The following PRC1 variants were observed in gnomAD, a reference collection of about 807,000 sequenced individuals.
PRC1 encodes the protein protein regulator of cytokinesis 1, also known as anaphase spindle elongation 1 homolog.
In PRC1, 54 loss-of-function variants were observed where a neutral mutation model predicts 91.2. The ratio of observed to expected loss-of-function variants is 0.59; its 90% CI spans 0.48 to 0.74. The LOEUF (loss-of-function observed/expected upper bound fraction) is 0.74. Ranked by LOEUF, PRC1 falls within the 30% of genes least tolerant of loss-of-function variation. The pLI is 0.00. For missense variants in PRC1, 727 were observed against 746.2 expected, an observed-to-expected ratio of 0.97 and a Z score of 0.30; for synonymous variants, 275 against 263.6, an observed-to-expected ratio of 1.04 and a Z score of -0.42.
rs1000188722 is a variant in PRC1 at position 90,966,708 on chromosome 15, T to A, written c.*423A>T. 2.2e-6 allele frequency: 1 copy of A among 453,918 alleles called. No individual in the cohort carries two copies. Among genetic ancestry groups the A allele is most frequent in the Non-Finnish European group, 4.4e-6 (1 of 225,656 alleles). 28.1% of individuals were successfully genotyped at this position (453,918 alleles called of 1,614,324 possible). Reference sequence around the variant, plus strand: ...GAGCAAAGCTATGATAGCTACAGCATTAATTGAACATGCCTAAACAAAAAA... The same window carrying A: ...GAGCAAAGCTATGATAGCTACAGCAATAATTGAACATGCCTAAACAAAAAA... On this transcript the variant is annotated 3_prime_UTR_variant, in exon 15 of 15. Coordinates refer to ENST00000394249, the MANE Select transcript of PRC1 (RefSeq NM_003981.4).
intron 1 of PRC1, among the ~76,000 whole-genome samples, chr15:90,987,139 G>C (rs2039642774): frequency 1.3e-5 from 2 of 151,734 alleles, no homozygotes; most frequent in Admixed American, 6.6e-5. Flanking sequence ...AAATTAGCCG[G>C]GCACGGTGAC....
rs2037895946 is a variant in PRC1 at position 90,969,740 on chromosome 15, A to G, written c.1573-117T>C. ...TCTTTATATTCATGTCTATAATCCT[A>G]TACTTTTTAGTTAAAAAAAAAACAT... is the stretch of plus-strand genomic sequence containing the variant. On this transcript the variant is annotated intron_variant, in intron 12 of 14. Coordinates refer to ENST00000394249, the MANE Select transcript of PRC1 (RefSeq NM_003981.4). The G allele has an allele frequency of 5.9e-6, 3 of 507,946 alleles. No individual in the cohort carries two copies. In the South Asian group the frequency reaches 2.1e-4, roughly 35 times the overall value. 31.5% of individuals were successfully genotyped at this position (507,946 alleles called of 1,614,324 possible). A position where few individuals can be genotyped will look rare whatever the true frequency, so the allele number is the denominator to read the frequency against.
At chr15:90,977,568 T>C (rs915769213) in intron 8 of PRC1, among the ~76,000 whole-genome samples, 31 of 149,798 alleles carry the variant, frequency 2.1e-4, no homozygotes, top group South Asian at 6.3e-4. Context: ...CCTTAGCTCC[T>C]TATTTACGTT....
chr15:90,973,395 A>G (rs1471938937), intron 11 of PRC1, among the ~76,000 whole-genome samples: 1 of 152,218 alleles, frequency 6.6e-6, no homozygotes, highest in African/African-American at 2.4e-5. Context: ...TGCACTGCGG[A>G]AAGCCGCAGG....
Position 90,978,753 on chromosome 15 carries a change from CAAAAAAAA to C in PRC1, c.1107+397_1107+404del, listed in dbSNP as rs869065052. On this transcript the variant is annotated intron_variant, in intron 8 of 14. Transcript: ENST00000394249. ...GGGCAACAAGAGCGAAACTCCACCT[CAAAAAAAA>C]AAAAAAAAAAAAAAAAAGTGCCATC... Among the ~76,000 whole-genome samples the C allele has an allele frequency of 4.4e-3, 173 of 39,712 alleles. 2 individuals carry two copies. The highest frequency in any genetic ancestry group is 0.013 in the Admixed American group (32 of 2,472). The allele number at this position is 39,712 out of a possible 152,430, so 26.1% of individuals were successfully genotyped here.
intron 9 of PRC1, among the ~76,000 whole-genome samples, chr15:90,975,533 T>G (rs1338928905): frequency 6.6e-6 from 1 of 151,062 alleles, no homozygotes; most frequent in Non-Finnish European, 1.5e-5. Context: ...ATGGTATTAT[T>G]ATTATCAAAG....
At chr15:90,968,725 G>A (rs1240737286) in intron 14 of PRC1, 1 of 1,129,332 alleles carries the variant, frequency 8.9e-7, no homozygotes, top group East Asian at 6.0e-5. Flanking sequence ...CCTCATTGTA[G>A]GCAGCACACA....
intron 1 of PRC1, among the ~76,000 whole-genome samples, chr15:90,986,412 TGA>T (rs1238798422): frequency 4.6e-5 from 7 of 152,156 alleles, no homozygotes; most frequent in African/African-American, 1.7e-4. Context: ...GCAGATCACT[TGA>T]GGTCAGGAGA....
chr15:90,978,521 G>A (rs2038919442), intron 8 of PRC1, among the ~76,000 whole-genome samples: 1 of 152,144 alleles, frequency 6.6e-6, no homozygotes, highest in South Asian at 2.1e-4. Context: ...GGAGGCCGAG[G>A]TGGGCAGATC....
chr15:90,979,388 C>A, intron 7 of PRC1, 94 bp from the exon 8 acceptor site: 1 of 1,376,774 alleles, frequency 7.3e-7, no homozygotes, highest in South Asian at 1.3e-5. Flanking sequence ...GAAATAGATT[C>A]TTTCCTTATA....
chr15:90,973,918 G>C, intron 11 of PRC1: 1 of 491,228 alleles, frequency 2.0e-6, no homozygotes, highest in Non-Finnish European at 3.6e-6. Flanking sequence ...GAACTCAAGA[G>C]ACCGGTGCTG....
chr15:90,971,451 A>C (rs540537540), intron 11 of PRC1, among the ~76,000 whole-genome samples: 1 of 152,152 alleles, frequency 6.6e-6, no homozygotes, highest in South Asian at 2.1e-4. Context: ...ACAACCAGCT[A>C]ATTTTTGTAT....
chr15:90,971,401 C>G (rs2038114505), intron 11 of PRC1, among the ~76,000 whole-genome samples: 1 of 152,082 alleles, frequency 6.6e-6, no homozygotes, highest in Non-Finnish European at 1.5e-5. Context: ...TCCTCCCACC[C>G]CAGCCTCCTG....
chr15:90,982,068 C>T (rs1184502055), intron 3 of PRC1, 87 bp from the exon 4 acceptor site: 2 of 1,214,444 alleles, frequency 1.6e-6, no homozygotes, highest in Admixed American at 4.0e-5. Flanking sequence ...GCGTGGATGA[C>T]AGACTTTCAG....
Position 90,984,591 on chromosome 15 carries a change from T to G in PRC1, c.144+102A>C. ...AACCAAACAGGAAGAGCCTGTGCTATCCTAATGCCGATGATCACATGTCCC... is the reference window on the plus strand; with the variant it reads ...AACCAAACAGGAAGAGCCTGTGCTAGCCTAATGCCGATGATCACATGTCCC... On this transcript the variant is annotated intron_variant, in intron 2 of 14. Coordinates refer to ENST00000394249, the MANE Select transcript of PRC1 (RefSeq NM_003981.4). This position sits in a 1 kb window ranked among gnomAD's most constrained non-coding sequence, Gnocchi z 5.1. 1 of 1,503,634 alleles carries G rather than the reference T, an allele frequency of 6.7e-7. No individual in the cohort carries two copies. The highest frequency in any genetic ancestry group is 1.3e-5 in the South Asian group (1 of 78,416). 93.1% of individuals were successfully genotyped at this position (1,503,634 alleles called of 1,614,324 possible).
At chr15:90,983,161 A>C (rs2039336460) in intron 3 of PRC1, among the ~76,000 whole-genome samples, 1 of 152,288 alleles carries the variant, frequency 6.6e-6, no homozygotes, top group South Asian at 2.1e-4. Flanking sequence ...GCTCCACTTC[A>C]TGTTCTCTTC....
chr15:90,979,022 C>T (rs1230810899), intron 8 of PRC1, 136 bp downstream of exon 8: 33 of 1,103,046 alleles, frequency 3.0e-5, no homozygotes, highest in Admixed American at 5.6e-5. Context: ...CAAACAGAGG[C>T]GGTCAGCAGA....
intron 3 of PRC1, among the ~76,000 whole-genome samples, chr15:90,983,005 T>C (rs898095035): frequency 2.0e-5 from 3 of 152,218 alleles, no homozygotes; most frequent in African/African-American, 4.8e-5. Context: ...TCATTTAACA[T>C]TGTGAACTAG....
At chr15:90,983,828 C>G in intron 3 of PRC1, 190 bp downstream of exon 3, 1 of 627,456 alleles carries the variant, frequency 1.6e-6, no homozygotes, top group Non-Finnish European at 2.5e-6. Context: ...CACCTCTTAC[C>G]AGGGCAACTC....
Sources: gnomAD v4.1 joint callset for allele counts (sites outside exome capture counted in the v4.1 genomes callset) on GRCh38, gnomAD v4.1.1 for gene constraint, Gnocchi (gnomAD v3.1) non-coding constraint, MANE v1.5 for transcripts, NCBI Gene and HGNC (gene_info 2026-07-23, HGNC 2026-07-21) for gene names.